The following SPG11 variants were observed in gnomAD, a reference collection of about 807,000 sequenced individuals.
SPG11 encodes spatacsin.
A neutral mutation model predicts 274.0 loss-of-function variants in SPG11; 222 were observed. That is an observed-to-expected ratio of 0.81 (90% CI 0.73 to 0.91). The LOEUF is 0.91. Among genes scored for constraint, SPG11 ranks in the 40% least tolerant of loss-of-function variants. SPG11 has a pLI of 0.00. For synonymous variants in SPG11, 1,144 were observed against 1,039.7 expected (o/e 1.10, Z -1.93); for missense variants, 3,114 against 2,872.7 (o/e 1.08, Z -1.92).
intron 30 of SPG11, among the ~76,000 whole-genome samples, chr15:44,579,295 T>TG (rs1056003633): frequency 2.0e-5 from 3 of 150,946 alleles, no homozygotes; most frequent in Non-Finnish European, 2.9e-5. Context: ...GAGGCCGAGG[T>TG]GGGTGGATCA....
intron 19 of SPG11, 87 bp downstream of exon 19, chr15:44,608,357 T>A: frequency 7.1e-7 from 1 of 1,410,634 alleles, no homozygotes; most frequent in Non-Finnish European, 1.0e-6. Flanking sequence ...CTACATTAAA[T>A]GCCCTCCGGT....
chr15:44,589,488 A>T, intron 27 of SPG11, 74 bp from the exon 28 acceptor site: 1 of 1,580,442 alleles, frequency 6.3e-7, no homozygotes. Context: ...AAATCTGGGA[A>T]CCTCTAAGAA....
intron 7 of SPG11, among the ~76,000 whole-genome samples, chr15:44,645,228 G>C (rs764969073): frequency 2.0e-5 from 3 of 151,900 alleles, no homozygotes; most frequent in Non-Finnish European, 4.4e-5. Flanking sequence ...ATACTACAAG[G>C]CTACAATAAC....
At chr15:44,631,040 C>T (rs1269943403) in intron 8 of SPG11, among the ~76,000 whole-genome samples, 2 of 152,108 alleles carry the variant, frequency 1.3e-5, no homozygotes, top group African/African-American at 4.8e-5. Flanking sequence ...CAAATTGATA[C>T]AACTTTTGAA....
intron 15 of SPG11, among the ~76,000 whole-genome samples, chr15:44,618,508 C>T (rs2083651008): frequency 8.8e-6 from 1 of 113,334 alleles, no homozygotes; most frequent in Non-Finnish European, 1.8e-5. Flanking sequence ...CAGAGTGAGA[C>T]TCCATCTCAA....
Position 44,615,399 on chromosome 15 carries a change from A to C in SPG11, c.3002T>G (p.Leu1001Arg), listed in dbSNP as rs1391116075. Reference sequence around the variant, plus strand: ...AAGGTAGACATAAAGAAGATGCTGCAGACTGTGCTCCAAACAATAGAGAAT... The same window carrying C: ...AAGGTAGACATAAAGAAGATGCTGCCGACTGTGCTCCAAACAATAGAGAAT... ...QFILYCLEHS[L>R]QHLLYVYLDC... Residue 1001 changes from leucine (L) to arginine (R), a missense_variant, in exon 16 of 40, where the codon CTG becomes CGG. Leu to Arg is a moderately radical substitution (Grantham distance 102). Coordinates refer to ENST00000261866, the MANE Select transcript of SPG11 (RefSeq NM_025137.4). The C allele has an allele frequency of 6.2e-7, 1 of 1,614,076 alleles. No homozygotes were observed.
intron 23 of SPG11, among the ~76,000 whole-genome samples, chr15:44,597,422 G>C (rs58045691): frequency 6.6e-6 from 1 of 152,108 alleles, no homozygotes. Flanking sequence ...AAAAACAGTA[G>C]ACTTTTTCAC....
In SPG11 at chr15:44,569,522, C is replaced by G; in HGVS notation, c.6478-17G>C. On this transcript the variant is annotated splice_polypyrimidine_tract_variant and intron_variant, in intron 34 of 39. Coordinates refer to ENST00000261866, the MANE Select transcript of SPG11 (RefSeq NM_025137.4). ...GAGCCGTACCTGTGAAGTGGGAGGA[C>G]AGCTCGCATCAGCATCACCTGGAGT... 6.5e-7 allele frequency: 1 copy of G among 1,542,138 alleles called. No homozygotes were observed. The highest frequency in any genetic ancestry group is 1.4e-5 in the African/African-American group (1 of 73,620).
rs118118732 is a variant in SPG11, at chr15:44,587,772, A to G, written c.4906+1480T>C. Among the ~76,000 whole-genome samples, 574 of 151,868 alleles carry G rather than the reference A, an allele frequency of 3.8e-3. 26 individuals are homozygous for G. The East Asian group carries it at 0.09, about 24-fold the overall frequency. On this transcript the variant is annotated intron_variant, in intron 28 of 39. Transcript: ENST00000261866. ...ATGTTAAATACGCACACATAGTAAC[A>G]CAATTTCTAAAAATATAAAAAATTA...
intron 30 of SPG11, among the ~76,000 whole-genome samples, chr15:44,578,170 G>A (rs572906020): frequency 6.6e-6 from 1 of 150,866 alleles, no homozygotes; most frequent in East Asian, 1.9e-4. Context: ...GACTATAGGC[G>A]CCCGCCACCA....
intron 16 of SPG11, 28 bp downstream of exon 16, chr15:44,615,335 C>T: frequency 1.2e-6 from 2 of 1,607,938 alleles, no homozygotes; most frequent in Non-Finnish European, 1.7e-6. Context: ...AAGACCTGCT[C>T]AAGGACAAAT....
chr15:44,569,448 G>T lies in SPG11; in HGVS notation c.6535C>A (p.Leu2179Met). Reference sequence around the variant, plus strand: ...ACTTCAAAGTAGTGCTTTTTATGCAGCAAATCAAATATGTATGTCATCTCG... The same window carrying T: ...ACTTCAAAGTAGTGCTTTTTATGCATCAAATCAAATATGTATGTCATCTCG... The part of the protein sequence containing the change: ...YNEMTYIFDL[L>M]HKKHYFEVLM... Residue 2179 changes from leucine to methionine, a missense_variant, in exon 35 of 40, where the codon CTG becomes ATG. By Grantham distance (15) the Leu-to-Met change is conservative. Coordinates refer to ENST00000261866, the MANE Select transcript of SPG11 (RefSeq NM_025137.4). 2 of 1,606,770 alleles carry T rather than the reference G, an allele frequency of 1.2e-6. No individual in the cohort carries two copies. The highest frequency in any genetic ancestry group is 1.7e-6 in the Non-Finnish European group (2 of 1,176,048).
rs554569761 is a variant in SPG11, at chr15:44,637,054, T to C, written c.1603-3417A>G. On this transcript the variant is annotated intron_variant, in intron 7 of 39. Transcript: ENST00000261866. ...TTTACTAATTTTTGAAGTTTTTCTA[T>C]AGATTTACAAATTTTCAAAATCACA... 7.9e-5 allele frequency among the ~76,000 whole-genome samples: 12 copies of C among 151,312 alleles called. No homozygotes were observed. In the South Asian group the frequency reaches 1.7e-3, roughly 21 times the overall value.
intron 18 of SPG11, among the ~76,000 whole-genome samples, chr15:44,609,293 G>A (rs901899624): frequency 2.0e-5 from 3 of 151,718 alleles, no homozygotes; most frequent in Non-Finnish European, 4.4e-5. Context: ...CACCACCCCC[G>A]GCTAATTTTT....
intron 1 of SPG11, 53 bp from the exon 2 acceptor site, chr15:44,660,669 C>T (rs1180068911): frequency 2.6e-6 from 4 of 1,552,170 alleles, no homozygotes; most frequent in African/African-American, 2.7e-5. Context: ...TAATATTTAC[C>T]CACAATGGTG....
rs1472093318 is a variant in SPG11 at position 44,584,690 on chromosome 15, G to GCACTCT, written c.5122-133_5122-132insAGAGTG. On this transcript the variant is annotated intron_variant, in intron 29 of 39. Transcript: ENST00000261866. The stretch of plus-strand genomic sequence containing the variant: ...GTCACCCAGGCTGGAGAGCAGTGGT[G>GCACTCT]GCGATCACAGCACACTGCAGCCTCA... 1.0e-5 allele frequency: 11 copies of GCACTCT among 1,079,186 alleles called. No homozygotes were observed. In the African/African-American group the frequency reaches 1.4e-4, roughly 14 times the overall value. 66.9% of individuals were successfully genotyped at this position (1,079,186 alleles called of 1,614,324 possible).
rs2082405603 is a variant in SPG11, at chr15:44,570,707, A to G, written c.6344-49T>C. The stretch of plus-strand genomic sequence containing the variant: ...ATAAGATTATGAACCCTGGCTGCCC[A>G]CTGTCAACCTCTGCCTGGCAGGAGG... On this transcript the variant is annotated intron_variant, in intron 33 of 39. Coordinates refer to ENST00000261866, the MANE Select transcript of SPG11 (RefSeq NM_025137.4). 6 of 1,599,974 alleles carry G rather than the reference A, an allele frequency of 3.8e-6. No individual in the cohort carries two copies. The East Asian group carries it at 1.4e-4, about 36-fold the overall frequency.
At chr15:44,626,814 C>T (rs758495918) in intron 10 of SPG11, among the ~76,000 whole-genome samples, 2 of 151,992 alleles carry the variant, frequency 1.3e-5, no homozygotes, top group Non-Finnish European at 2.9e-5. Flanking sequence ...CACCCCCACC[C>T]CCGTGTCCCC....
Position 44,657,197 on chromosome 15 carries a change from ATCT to A in SPG11, c.764_766del (p.Lys255del), listed in dbSNP as rs2084965791. On this transcript the variant is annotated inframe_deletion, in exon 4 of 40. Coordinates refer to ENST00000261866, the MANE Select transcript of SPG11 (RefSeq NM_025137.4). ...AACTTTCAGTGAAGTAAATGAAGAAATCTTGGCTGGCTCCTGTTGCTGCTCATT... is the reference window on the plus strand; with the variant it reads ...AACTTTCAGTGAAGTAAATGAAGAAATGGCTGGCTCCTGTTGCTGCTCATT... 4.3e-6 allele frequency: 7 copies of A among 1,614,088 alleles called. No homozygotes were observed. Among genetic ancestry groups the A allele is most frequent in the Non-Finnish European group, 5.1e-6 (6 of 1,180,028 alleles).
Sources: allele counts gnomAD v4.1 joint callset (sites outside exome capture counted in the v4.1 genomes callset), GRCh38; gene constraint gnomAD v4.1.1; transcripts MANE v1.5; gene names NCBI Gene and HGNC (gene_info 2026-07-23, HGNC 2026-07-21).